Variants in BCL3 observed in about 807,000 individuals in gnomAD.
BCL3 encodes the protein BCL3 transcription coactivator, also known as B-cell lymphoma 3 protein.
In BCL3, 15 loss-of-function variants were observed where a neutral mutation model predicts 35.7. The observed-to-expected ratio is 0.42, with a 90% confidence interval of 0.28 to 0.65. BCL3 has a LOEUF of 0.65. Among genes scored for constraint, BCL3 ranks in the 30% least tolerant of loss-of-function variants. The pLI, the probability that BCL3 is intolerant of heterozygous loss-of-function variation, is 0.22. For synonymous variants in BCL3, 311 were observed against 284.3 expected (o/e 1.09, Z -0.95); for missense variants, 565 against 641.7 (o/e 0.88, Z 1.29).
In BCL3 at chr19:44,759,764, T is replaced by A; in HGVS notation, c.*149T>A. On this transcript the variant is annotated 3_prime_UTR_variant, in exon 9 of 9. Coordinates refer to ENST00000164227, the MANE Select transcript of BCL3 (RefSeq NM_005178.5). ...GCACAGAAGCACATGCACCTACCCA[T>A]ACACCCCCTCTTCTGAGCACAGATG... 1 of 504,096 alleles carries A rather than the reference T, an allele frequency of 2.0e-6. No homozygotes were observed. Among genetic ancestry groups the A allele is most frequent in the Non-Finnish European group, 3.4e-6 (1 of 292,728 alleles). 31.2% of individuals were successfully genotyped at this position (504,096 alleles called of 1,614,324 possible).
At chr19:44,756,846 T>A (rs1967297764) in intron 3 of BCL3, among the ~76,000 whole-genome samples, 171 bp from the exon 4 acceptor site, 1 of 151,778 alleles carries the variant, frequency 6.6e-6, no homozygotes, top group African/African-American at 2.4e-5. Context: ...TTCTGGGTCC[T>A]GGGGAAGGAG....
chr19:44,756,331 C>A lies in BCL3; in HGVS notation c.510C>A (p.Asn170Lys), dbSNP rs1460997985. Residue 170 changes from asparagine to lysine, a missense_variant, in exon 3 of 9, where the codon AAC becomes AAA. Asn to Lys is a moderately conservative substitution (Grantham distance 94, BLOSUM62 0). Around this residue, in one of 5 missense-constraint regions of BCL3, gnomAD observed 267 missense variants for 281.5 expected, o/e 0.95. Transcript: ENST00000164227. Reference sequence around the variant, plus strand: ...GCCGGGAGCTCGACATCTACAACAACCTACGGCAGGTGAGGCTCGGTCTGA... The same window carrying A: ...GCCGGGAGCTCGACATCTACAACAAACTACGGCAGGTGAGGCTCGGTCTGA... ...QGGRELDIYN[N>K]LRQTPLHLAV... 6.6e-7 allele frequency: 1 copy of A among 1,511,822 alleles called. No homozygotes were observed. Among genetic ancestry groups the A allele is most frequent in the Non-Finnish European group, 8.9e-7 (1 of 1,124,256 alleles). The allele number at this position is 1,511,822 out of a possible 1,614,324, so 93.7% of individuals were successfully genotyped here. A position where few individuals can be genotyped will look rare whatever the true frequency, so the allele number is the denominator to read the frequency against.
upstream of BCL3, chr19:44,748,175 C>A: frequency 1.0e-6 from 1 of 972,514 alleles, no homozygotes; most frequent in Non-Finnish European, 1.4e-6. Context: ...GATGCCAAGG[C>A]CTCCTGAGAG....
In BCL3 at chr19:44,757,891, G is replaced by A. The variant is rs1024861964; in HGVS notation, c.891+168G>A. On this transcript the variant is annotated intron_variant, in intron 6 of 8. Transcript: ENST00000164227. The surrounding 1 kb of genome is among the most constrained non-coding windows in gnomAD (Gnocchi z 8.4). ...AGTTTTCTCGACCCTCGGGCTCCACGCCCCTGGCTACGAACTTGTCCCATT... is the reference window on the plus strand; with the variant it reads ...AGTTTTCTCGACCCTCGGGCTCCACACCCCTGGCTACGAACTTGTCCCATT... 1.3e-5 allele frequency among the ~76,000 whole-genome samples: 2 copies of A among 152,062 alleles called. No individual in the cohort carries two copies. Among genetic ancestry groups the A allele is most frequent in the African/African-American group, 2.4e-5 (1 of 41,402 alleles).
rs992828614 is a variant in BCL3, at chr19:44,759,711, C to A, written c.*96C>A. 26 of 543,568 alleles carry A rather than the reference C, an allele frequency of 4.8e-5. No homozygotes were observed. The highest frequency in any genetic ancestry group is 1.8e-4 in the African/African-American group (4 of 22,390). The allele number at this position is 543,568 out of a possible 1,614,324, so 33.7% of individuals were successfully genotyped here. On this transcript the variant is annotated 3_prime_UTR_variant, in exon 9 of 9. Transcript: ENST00000164227. ...AAACTGTGAAGATCTCACTCTGCCC[C>A]CCCCCCCCATCTTCGGGACCAGGAT...
chr19:44,749,962 G>A (rs949556830), intron 1 of BCL3, among the ~76,000 whole-genome samples: 3 of 152,222 alleles, frequency 2.0e-5, no homozygotes, highest in South Asian at 2.1e-4. Flanking sequence ...AGCAGATGAC[G>A]AAGACCACAC....
rs1967380257 is a variant in BCL3, at chr19:44,759,496, A to G, written c.1246A>G (p.Met416Val). The G allele has an allele frequency of 6.2e-7, 1 of 1,606,346 alleles. No individual in the cohort carries two copies. Among genetic ancestry groups the G allele is most frequent in the Non-Finnish European group, 8.5e-7 (1 of 1,177,228 alleles). The change falls in exon 9 of 9, where the codon ATG becomes GTG. Residue 416 changes from methionine to valine, a missense_variant. Physicochemically the swap from Met to Val is conservative, Grantham distance 21. This residue lies in a region of BCL3 where 151 missense variants were observed against 138.1 expected (regional missense o/e 1.09). Transcript: ENST00000164227. ...SPPRDPPGFP[M>V]APPNFFLPSP... ...CCCCAGGGACCCCCCTGGATTCCCCATGGCTCCTCCCAATTTCTTCCTTCC... is the reference window on the plus strand; with the variant it reads ...CCCCAGGGACCCCCCTGGATTCCCCGTGGCTCCTCCCAATTTCTTCCTTCC...
chr19:44,753,351 C>T (rs1967217562), intron 2 of BCL3, among the ~76,000 whole-genome samples: 1 of 152,188 alleles, frequency 6.6e-6, no homozygotes, highest in Non-Finnish European at 1.5e-5. Flanking sequence ...TTGCCAGAGG[C>T]CACCCGGCCC....
At chr19:44,749,862 G>A (rs115014908) in intron 1 of BCL3, among the ~76,000 whole-genome samples, 4 of 152,322 alleles carry the variant, frequency 2.6e-5, no homozygotes, top group African/African-American at 9.6e-5. Context: ...GGGGTCTCCA[G>A]ACAGAAAGCC....
chr19:44,757,560 C>G lies in BCL3; in HGVS notation c.814-86C>G. Reference sequence around the variant, plus strand: ...ATCAGACCCAAGAGAGAGGCTGGACCCCGCGAATGGGATGTGGACGGGATG... The same window carrying G: ...ATCAGACCCAAGAGAGAGGCTGGACGCCGCGAATGGGATGTGGACGGGATG... On this transcript the variant is annotated intron_variant, in intron 5 of 8. Coordinates refer to ENST00000164227, the MANE Select transcript of BCL3 (RefSeq NM_005178.5). This position sits in a 1 kb window ranked among gnomAD's most constrained non-coding sequence, Gnocchi z 8.4. 1 of 1,549,936 alleles carries G rather than the reference C, an allele frequency of 6.5e-7. No homozygotes were observed.
chr19:44,750,256 G>A (rs1176009302), intron 1 of BCL3, among the ~76,000 whole-genome samples: 1 of 151,836 alleles, frequency 6.6e-6, no homozygotes, highest in Non-Finnish European at 1.5e-5. Flanking sequence ...GGGTTGGTAT[G>A]GATTTGCCTG....
intron 2 of BCL3, among the ~76,000 whole-genome samples, chr19:44,753,838 G>C (rs946505724): frequency 2.0e-4 from 27 of 134,870 alleles, no homozygotes; most frequent in South Asian, 2.9e-4. Flanking sequence ...CGGGGGGGGG[G>C]GGTGATGTTC....
chr19:44,758,981 G>T, intron 8 of BCL3, 140 bp downstream of exon 8: 1 of 659,520 alleles, frequency 1.5e-6, no homozygotes. Context: ...CCAACCCATA[G>T]CCCCTCCTCC....
In BCL3 at chr19:44,748,845, C is replaced by T; in HGVS notation, c.55C>T (p.Arg19Trp). 9.0e-7 allele frequency: 1 copy of T among 1,105,366 alleles called. No homozygotes were observed. Among genetic ancestry groups the T allele is most frequent in the Non-Finnish European group, 1.1e-6 (1 of 908,308 alleles). 68.5% of individuals were successfully genotyped at this position (1,105,366 alleles called of 1,614,324 possible). Reference protein sequence around the residue: ...MDEGPVDLRTRPKAAGLPGAA... With the variant: ...MDEGPVDLRTWPKAAGLPGAA... ...CGAGGGGCCCGTGGACCTGCGCACC[C>T]GGCCCAAGGCCGCCGGACTCCCGGG... The change falls in exon 1 of 9, where the codon CGG becomes TGG. Residue 19 changes from arginine to tryptophan, a missense_variant. This residue lies in a region of BCL3 where 267 missense variants were observed against 281.5 expected (regional missense o/e 0.95). Transcript: ENST00000164227.
chr19:44,758,838 A>C lies in BCL3; in HGVS notation c.1174A>C (p.Asn392His). The C allele has an allele frequency of 6.3e-7, 1 of 1,591,360 alleles. No individual in the cohort carries two copies. The highest frequency in any genetic ancestry group is 8.5e-7 in the Non-Finnish European group (1 of 1,170,508). The change falls in exon 8 of 9, where the codon AAT (asparagine) becomes CAT (histidine). Residue 392 changes from asparagine to histidine, a missense_variant. By Grantham distance (68) the Asn-to-His change is moderately conservative. Transcript: ENST00000164227. ...SPESSSRLSS[N>H]GLLSASPSSS... is the part of the protein sequence containing the mutation. Reference sequence around the variant, plus strand: ...CGAGAGCAGCAGCCGCCTCAGCTCCAATGGTGAGAAACCGTTCCCAACCTC... The same window carrying C: ...CGAGAGCAGCAGCCGCCTCAGCTCCCATGGTGAGAAACCGTTCCCAACCTC...
Position 44,757,538 on chromosome 19 carries a change from A to G in BCL3, c.814-108A>G. On this transcript the variant is annotated intron_variant, in intron 5 of 8. Coordinates refer to ENST00000164227, the MANE Select transcript of BCL3 (RefSeq NM_005178.5). The surrounding 1 kb of genome is among the most constrained non-coding windows in gnomAD (Gnocchi z 8.4). Reference sequence around the variant, plus strand: ...CGGGTGGGGTGGGGCTTGGAGTATCAGACCCAAGAGAGAGGCTGGACCCCG... The same window carrying G: ...CGGGTGGGGTGGGGCTTGGAGTATCGGACCCAAGAGAGAGGCTGGACCCCG... 1 of 1,517,058 alleles carries G rather than the reference A, an allele frequency of 6.6e-7. No homozygotes were observed. Among genetic ancestry groups the G allele is most frequent in the Non-Finnish European group, 9.1e-7 (1 of 1,101,972 alleles). 94.0% of individuals were successfully genotyped at this position (1,517,058 alleles called of 1,614,324 possible). A position where few individuals can be genotyped will look rare whatever the true frequency, so the allele number is the denominator to read the frequency against.
At position 44,757,813 on chromosome 19, in the gene BCL3, C is replaced by G. The variant is rs1441285804; in HGVS notation, c.891+90C>G. On this transcript the variant is annotated intron_variant, in intron 6 of 8. Transcript: ENST00000164227. The surrounding 1 kb of genome is among the most constrained non-coding windows in gnomAD (Gnocchi z 8.4). The stretch of plus-strand genomic sequence containing the variant: ...CAGCCCCTAGCTCTGACCCCGCCTT[C>G]CACTTCTGGCTCCGGCTCCTGCTCC... The G allele has an allele frequency of 7.9e-7, 1 of 1,271,280 alleles. No homozygotes were observed. The highest frequency in any genetic ancestry group is 1.5e-5 in the African/African-American group (1 of 67,534). The allele number at this position is 1,271,280 out of a possible 1,614,324, so 78.7% of individuals were successfully genotyped here. A position where few individuals can be genotyped will look rare whatever the true frequency, so the allele number is the denominator to read the frequency against.
chr19:44,758,826 C>A lies in BCL3; in HGVS notation c.1162C>A (p.Arg388Ser). 6.3e-7 allele frequency: 1 copy of A among 1,599,538 alleles called. No individual in the cohort carries two copies. Among genetic ancestry groups the A allele is most frequent in the Non-Finnish European group, 8.5e-7 (1 of 1,174,188 alleles). The change falls in exon 8 of 9, where the codon CGC (arginine) becomes AGC (serine). Residue 388 changes from arginine (R) to serine (S), a missense_variant. This residue lies in a region of BCL3 where 151 missense variants were observed against 138.1 expected (regional missense o/e 1.09). Transcript: ENST00000164227. ...CAACACCTCCCCCGAGAGCAGCAGC[C>A]GCCTCAGCTCCAATGGTGAGAAACC... ...SANTSPESSS[R>S]LSSNGLLSAS...
intron 8 of BCL3, 79 bp from the exon 9 acceptor site, chr19:44,759,349 C>T: frequency 5.7e-6 from 6 of 1,057,952 alleles, no homozygotes; most frequent in Non-Finnish European, 7.0e-6. Context: ...CTCCCTCAGA[C>T]CCAGATCTCA....
Sources: gnomAD v4.1 joint callset for allele counts (sites outside exome capture counted in the v4.1 genomes callset) on GRCh38, gnomAD v4.1.1 for gene constraint, gnomAD v4.1.1 regional missense constraint, Gnocchi (gnomAD v3.1) non-coding constraint, MANE v1.5 for transcripts, NCBI Gene and HGNC (gene_info 2026-07-23, HGNC 2026-07-21) for gene names.